The following WDPCP variants were observed in gnomAD, a reference collection of about 807,000 sequenced individuals.
WDPCP encodes WD repeat-containing and planar cell polarity effector protein fritz homolog.
In WDPCP, 71 loss-of-function variants were observed where a neutral mutation model predicts 93.1. That is an observed-to-expected ratio of 0.76 (90% CI 0.63 to 0.93). The LOEUF is 0.93. Among genes scored for constraint, WDPCP ranks in the 40% least tolerant of loss-of-function variants. The pLI is 0.00. For synonymous variants in WDPCP, 315 were observed against 315.0 expected, an observed-to-expected ratio of 1.00 and a Z score of 0.00; for missense variants, 844 against 887.4, an observed-to-expected ratio of 0.95 and a Z score of 0.62.
At chr2:63,388,416 G>A (rs1692928641) in intron 10 of WDPCP, among the ~76,000 whole-genome samples, 1 of 152,156 alleles carries the variant, frequency 6.6e-6, no homozygotes, top group African/African-American at 2.4e-5. Context: ...AAGACCAAAG[G>A]TAGATAAAAC....
upstream of WDPCP, among the ~76,000 whole-genome samples, chr2:63,592,867 A>T (rs1471388629): frequency 6.6e-6 from 1 of 152,100 alleles, no homozygotes; most frequent in Non-Finnish European, 1.5e-5. Context: ...GTCCTTAAGG[A>T]TCTCGTATTC....
intron 2 of WDPCP, chr2:63,717,325 A>G (rs1669353184): frequency 1.2e-5 from 6 of 515,510 alleles, no homozygotes; most frequent in Admixed American, 6.4e-5. Flanking sequence ...TGTGAACATG[A>G]AAAATGATGG....
chr2:63,366,267 AAT>A (rs1254147674), intron 12 of WDPCP, among the ~76,000 whole-genome samples: 233 of 152,278 alleles, frequency 1.5e-3, no homozygotes, highest in African/African-American at 5.3e-3. Flanking sequence ...ACTCTTAGCT[AAT>A]AACAATGATT....
At chr2:63,688,670 G>A (rs1321724593) in intron 2 of WDPCP, among the ~76,000 whole-genome samples, 1 of 152,088 alleles carries the variant, frequency 6.6e-6, no homozygotes, top group African/African-American at 2.4e-5. Flanking sequence ...TGCTTGAGGT[G>A]ATGGATACCC....
intron 2 of WDPCP, among the ~76,000 whole-genome samples, chr2:63,667,760 C>A (rs984505524): frequency 5.7e-4 from 30 of 52,380 alleles, no homozygotes; most frequent in Non-Finnish European, 8.6e-4. Context: ...CTGGCTTTAG[C>A]TAATACTTGC....
At chr2:63,806,297 C>T (rs967375569) in intron 2 of WDPCP, among the ~76,000 whole-genome samples, 3 of 152,036 alleles carry the variant, frequency 2.0e-5, no homozygotes, top group East Asian at 1.9e-4. Flanking sequence ...CGGTAGGTTC[C>T]GTGATGCCCC....
intron 7 of WDPCP, 40 bp from the exon 8 acceptor site, chr2:63,437,594 T>A: frequency 6.6e-7 from 1 of 1,521,770 alleles, no homozygotes; most frequent in Non-Finnish European, 8.9e-7. Flanking sequence ...TAGAATAAAA[T>A]AATGAATAGA....
chr2:63,231,713 C>A (rs1428275178), intron 14 of WDPCP, among the ~76,000 whole-genome samples: 6 of 152,170 alleles, frequency 3.9e-5, no homozygotes. Context: ...ATTCCATGCT[C>A]ATGGATAGGA....
chr2:63,482,744 T>C (rs1285789460), intron 6 of WDPCP, among the ~76,000 whole-genome samples: 1 of 151,938 alleles, frequency 6.6e-6, no homozygotes, highest in African/African-American at 2.4e-5. Flanking sequence ...GGTGAAGTTA[T>C]CTTGTTAAAA....
intron 13 of WDPCP, among the ~76,000 whole-genome samples, chr2:63,301,521 C>T (rs1239155460): frequency 6.6e-6 from 1 of 152,146 alleles, no homozygotes; most frequent in East Asian, 1.9e-4. Context: ...TCTGGAGATC[C>T]ATTTTTCAGG....
intron 2 of WDPCP, among the ~76,000 whole-genome samples, chr2:63,771,677 T>C (rs1670228474): frequency 6.6e-6 from 1 of 151,942 alleles, no homozygotes; most frequent in Non-Finnish European, 1.5e-5. Flanking sequence ...TCCTGATAGG[T>C]AGTTTTTCCT....
intron 2 of WDPCP, among the ~76,000 whole-genome samples, chr2:63,716,782 A>C (rs1236258431): frequency 6.6e-6 from 1 of 152,160 alleles, no homozygotes; most frequent in Non-Finnish European, 1.5e-5. Context: ...TTAAAGACTG[A>C]TCTGACCAGA....
chr2:63,270,665 G>A (rs1370575116), intron 13 of WDPCP, among the ~76,000 whole-genome samples: 1 of 152,132 alleles, frequency 6.6e-6, no homozygotes, highest in Admixed American at 6.5e-5. Context: ...AAAGTTGCCA[G>A]CCAGCCAGGA....
intron 2 of WDPCP, among the ~76,000 whole-genome samples, chr2:63,659,226 A>G (rs1259178792): frequency 2.0e-5 from 3 of 152,314 alleles, no homozygotes; most frequent in East Asian, 1.9e-4. Flanking sequence ...GTTTAACTGG[A>G]AGTTTCAGGA....
In WDPCP at chr2:63,204,429, C is replaced by T. The variant is rs192465972; in HGVS notation, c.1916-29597G>A. 5.9e-3 allele frequency among the ~76,000 whole-genome samples: 881 copies of T among 150,214 alleles called. 5 individuals carry two copies. The highest frequency in any genetic ancestry group is 8.1e-3 in the Non-Finnish European group (548 of 67,656). ...CAGTCTTGGCTCACTGCAACCTCCA[C>T]CTCCAAGGTTCAAGCGATTCTCTTG... is the stretch of plus-strand genomic sequence containing the variant. On this transcript the variant is annotated intron_variant, in intron 14 of 17. Coordinates refer to ENST00000272321, the MANE Select transcript of WDPCP (RefSeq NM_015910.7).
At chr2:63,426,318 G>A (rs1017124582) in intron 9 of WDPCP, among the ~76,000 whole-genome samples, 4 of 152,066 alleles carry the variant, frequency 2.6e-5, no homozygotes, top group Admixed American at 1.3e-4. Flanking sequence ...CTCCAGCCTA[G>A]GTGACAGAGT....
At chr2:63,235,968 A>C (rs1015934277) in intron 14 of WDPCP, among the ~76,000 whole-genome samples, 1 of 152,184 alleles carries the variant, frequency 6.6e-6, no homozygotes, top group African/African-American at 2.4e-5. Flanking sequence ...CATTCAAAAA[A>C]GTACTGGAAG....
At chr2:63,398,262 G>A (rs886896590) in intron 10 of WDPCP, among the ~76,000 whole-genome samples, 4 of 152,068 alleles carry the variant, frequency 2.6e-5, no homozygotes, top group African/African-American at 9.7e-5. Flanking sequence ...AAAAGGTACT[G>A]GTGAGAATGG....
chr2:63,830,022 G>A (rs1039820288), upstream of WDPCP, among the ~76,000 whole-genome samples: 5 of 151,842 alleles, frequency 3.3e-5, no homozygotes, highest in South Asian at 6.2e-4. Flanking sequence ...AGTTCATTTC[G>A]TCTTTGAGCC....
Sources: allele counts gnomAD v4.1 joint callset (sites outside exome capture counted in the v4.1 genomes callset), GRCh38; gene constraint gnomAD v4.1.1; transcripts MANE v1.5; gene names NCBI Gene and HGNC (gene_info 2026-07-23, HGNC 2026-07-21).